The following LIMCH1 variants were observed in gnomAD, a reference collection of about 807,000 sequenced individuals.
LIMCH1 encodes the protein LIM and calponin homology domains 1, also known as LIM and calponin homology domains-containing protein 1.
A neutral mutation model predicts 176.5 loss-of-function variants in LIMCH1; 113 were observed. The observed-to-expected ratio is 0.64, with a 90% confidence interval of 0.55 to 0.75. The LOEUF is 0.75. Among genes scored for constraint, LIMCH1 ranks in the 30% least tolerant of loss-of-function variants. The probability of loss-of-function intolerance (pLI) is 0.00; values close to 1 mark genes in which losing one functional copy is unlikely to be tolerated. For missense variants in LIMCH1, 1,674 were observed against 1,814.9 expected (o/e 0.92, Z 1.41); for synonymous variants, 619 against 645.9 (o/e 0.96, Z 0.63).
At chr4:41,435,049 A>G (rs1358175126) in intron 1 of LIMCH1, among the ~76,000 whole-genome samples, 2 of 152,186 alleles carry the variant, frequency 1.3e-5, no homozygotes, top group Non-Finnish European at 2.9e-5. Flanking sequence ...GACTTTGCAG[A>G]TATGGTTAAA....
intron 1 of LIMCH1, among the ~76,000 whole-genome samples, chr4:41,379,629 T>G (rs543859160): frequency 6.6e-6 from 1 of 152,324 alleles, no homozygotes; most frequent in Admixed American, 6.5e-5. Context: ...ATATGTAATT[T>G]TAACTGTAAC....
intron 2 of LIMCH1, among the ~76,000 whole-genome samples, chr4:41,503,661 C>A (rs114744434): frequency 0.059 from 9,005 of 152,206 alleles, 314 homozygotes; most frequent in Non-Finnish European, 0.07. Flanking sequence ...TCCTTTATCC[C>A]TATCCTCTCT....
chr4:41,462,507 A>G (rs2065513942), intron 1 of LIMCH1, among the ~76,000 whole-genome samples: 1 of 152,236 alleles, frequency 6.6e-6, no homozygotes, highest in Non-Finnish European at 1.5e-5. Context: ...AAAGAATCCC[A>G]CAGGAATCAT....
At chr4:41,664,345 T>TA (rs1212442530) in intron 20 of LIMCH1, among the ~76,000 whole-genome samples, 1 of 152,238 alleles carries the variant, frequency 6.6e-6, no homozygotes, top group African/African-American at 2.4e-5. Context: ...AGGTACTGGA[T>TA]AGTCAACAGT....
chr4:41,539,382 C>T (rs945104854), intron 1 of LIMCH1, among the ~76,000 whole-genome samples: 2 of 152,112 alleles, frequency 1.3e-5, no homozygotes, highest in African/African-American at 2.4e-5. Flanking sequence ...CAAATAAAAC[C>T]GAGAGGCTGC....
intron 1 of LIMCH1, among the ~76,000 whole-genome samples, chr4:41,571,128 C>A (rs1419135748): frequency 2.6e-5 from 4 of 151,940 alleles, no homozygotes; most frequent in African/African-American, 7.3e-5. Flanking sequence ...GGCAGGAGAG[C>A]TGAGAAAGAA....
chr4:41,512,636 A>G (rs1429773558), intron 2 of LIMCH1, among the ~76,000 whole-genome samples: 2 of 144,996 alleles, frequency 1.4e-5, no homozygotes, highest in East Asian at 3.9e-4. Context: ...GTTAAATGAA[A>G]GAAACCAGTC....
intron 2 of LIMCH1, among the ~76,000 whole-genome samples, chr4:41,514,131 A>C (rs1004033848): frequency 6.6e-6 from 1 of 151,730 alleles, no homozygotes; most frequent in Admixed American, 6.6e-5. Context: ...AGTCCTTCCC[A>C]ATACTTTATA....
At chr4:41,452,077 C>G (rs1291024624) in intron 1 of LIMCH1, among the ~76,000 whole-genome samples, 1 of 152,180 alleles carries the variant, frequency 6.6e-6, no homozygotes, top group Non-Finnish European at 1.5e-5. Flanking sequence ...GGCTCCAGCT[C>G]TAGTCTGTAG....
chr4:41,484,684 CA>C (rs2069211490), intron 1 of LIMCH1, among the ~76,000 whole-genome samples: 1 of 152,050 alleles, frequency 6.6e-6, no homozygotes, highest in South Asian at 2.1e-4. Flanking sequence ...TGCTTTTGTA[CA>C]ATTTAGGGAA....
At chr4:41,487,879 C>T (rs1315679891) in intron 1 of LIMCH1, among the ~76,000 whole-genome samples, 1 of 150,552 alleles carries the variant, frequency 6.6e-6, no homozygotes, top group Non-Finnish European at 1.5e-5. Flanking sequence ...GTCTCAATCT[C>T]CTGACCTCCT....
intron 22 of LIMCH1, among the ~76,000 whole-genome samples, chr4:41,674,453 C>G (rs1284574725): frequency 6.6e-6 from 1 of 152,188 alleles, no homozygotes; most frequent in African/African-American, 2.4e-5. Flanking sequence ...GAGCCAACTT[C>G]CAACACCATT....
At chr4:41,693,068 T>A (rs1334847635) in intron 31 of LIMCH1, 1 of 152,290 alleles carries the variant, frequency 6.6e-6, no homozygotes, top group Non-Finnish European at 1.5e-5. Flanking sequence ...TGCTGTTGCC[T>A]AGCCGCTGTT....
intron 1 of LIMCH1, among the ~76,000 whole-genome samples, chr4:41,377,487 C>A (rs1039451065): frequency 1.3e-5 from 2 of 152,176 alleles, no homozygotes; most frequent in Admixed American, 1.3e-4. Context: ...GTAATACTCT[C>A]ATCTACCGCA....
At chr4:41,399,685 C>CTTTT (rs56174007) in intron 1 of LIMCH1, among the ~76,000 whole-genome samples, 5 of 95,788 alleles carry the variant, frequency 5.2e-5, no homozygotes, top group African/African-American at 8.9e-5. Context: ...GGTGGATACT[C>CTTTT]TTTTTTTTTT....
intron 25 of LIMCH1, among the ~76,000 whole-genome samples, chr4:41,681,489 C>T (rs1715794068): frequency 6.6e-6 from 1 of 152,100 alleles, no homozygotes; most frequent in African/African-American, 2.4e-5. Flanking sequence ...ATAACATGTT[C>T]TCCACCAGCA....
At chr4:41,621,537 C>T (rs571988885) in intron 7 of LIMCH1, among the ~76,000 whole-genome samples, 113 of 151,236 alleles carry the variant, frequency 7.5e-4, no homozygotes, top group African/African-American at 2.3e-3. Flanking sequence ...AGTCTCACTC[C>T]GTCACCCAAG....
chr4:41,634,840 G>A (rs189593135), intron 13 of LIMCH1, among the ~76,000 whole-genome samples: 3 of 152,156 alleles, frequency 2.0e-5, no homozygotes, highest in Non-Finnish European at 2.9e-5. Flanking sequence ...CATGATTCCC[G>A]AGCTGGTTAG....
rs61007662 is a variant in LIMCH1 at position 41,650,015 on chromosome 4, A to C, written c.2821-378A>C. Among the ~76,000 whole-genome samples the C allele has an allele frequency of 4.8e-3, 729 of 152,324 alleles. 2 individuals carry two copies. Among genetic ancestry groups the C allele is most frequent in the African/African-American group, 0.016 (653 of 41,576 alleles). Reference sequence around the variant, plus strand: ...TCATTTATATGCTATCCAGAAAAACAGTCAAGGTTGTGGAATAGCAATCAG... The same window carrying C: ...TCATTTATATGCTATCCAGAAAAACCGTCAAGGTTGTGGAATAGCAATCAG... On this transcript the variant is annotated intron_variant, in intron 17 of 31. Coordinates refer to ENST00000503057, the MANE Select transcript of LIMCH1 (RefSeq NM_001330672.2).
Sources: gnomAD v4.1 joint callset for allele counts (sites outside exome capture counted in the v4.1 genomes callset) on GRCh38, gnomAD v4.1.1 for gene constraint, MANE v1.5 for transcripts, NCBI Gene and HGNC (gene_info 2026-07-23, HGNC 2026-07-21) for gene names.